Variants in DPP10 observed in about 807,000 individuals in gnomAD.
DPP10 encodes the protein inactive dipeptidyl peptidase 10.
Under a neutral mutation model 120.9 loss-of-function variants are expected in DPP10, and 33 were observed. The observed-to-expected ratio is 0.27, with a 90% CI of 0.21 to 0.37. The LOEUF is 0.37. Ranked by LOEUF, DPP10 falls within the 10% of genes least tolerant of loss-of-function variation. DPP10 has a pLI of 1.00. For synonymous variants in DPP10, 337 were observed against 326.1 expected, an observed-to-expected ratio of 1.03 and a Z score of -0.36; for missense variants, 816 against 942.8, an observed-to-expected ratio of 0.87 and a Z score of 1.76.
At chr2:114,450,750 C>T (rs111818433) in intron 1 of DPP10, among the ~76,000 whole-genome samples, 1 of 150,888 alleles carries the variant, frequency 6.6e-6, no homozygotes, top group South Asian at 2.1e-4. Flanking sequence ...AAAGGTTTTG[C>T]ATTATGAGCG....
At chr2:115,491,356 G>A (rs767356105) in intron 3 of DPP10, among the ~76,000 whole-genome samples, 7 of 152,126 alleles carry the variant, frequency 4.6e-5, no homozygotes, top group Non-Finnish European at 1.0e-4. Context: ...AAAGAAACAC[G>A]AAACACGGCT....
chr2:115,252,440 G>T (rs1287023970), intron 1 of DPP10, among the ~76,000 whole-genome samples: 1 of 152,104 alleles, frequency 6.6e-6, no homozygotes, highest in Non-Finnish European at 1.5e-5. Flanking sequence ...CTGAGTATTA[G>T]ATTATATCTG....
At chr2:115,040,634 G>T (rs1024281045) in intron 1 of DPP10, among the ~76,000 whole-genome samples, 1 of 151,926 alleles carries the variant, frequency 6.6e-6, no homozygotes, top group African/African-American at 2.4e-5. Context: ...AGCATTGGAG[G>T]TGGGGCCTGG....
chr2:115,800,552 G>T (rs1685089623), intron 19 of DPP10, among the ~76,000 whole-genome samples: 1 of 151,938 alleles, frequency 6.6e-6, no homozygotes, highest in African/African-American at 2.4e-5. Context: ...TTTCTTCTAG[G>T]GTTTTTATGG....
At chr2:114,463,065 T>G (rs1384644232) in intron 1 of DPP10, among the ~76,000 whole-genome samples, 1 of 152,150 alleles carries the variant, frequency 6.6e-6, no homozygotes, top group Non-Finnish European at 1.5e-5. Flanking sequence ...CATTGGAGAA[T>G]GGTTTTTGAA....
In DPP10 at chr2:114,708,678, A is replaced by G. The variant is rs928540617; in HGVS notation, c.60+265840A>G. Among the ~76,000 whole-genome samples the G allele has an allele frequency of 3.9e-5, 6 of 152,316 alleles. 1 individual carries two copies. The highest frequency in any genetic ancestry group is 3.9e-4 in the Admixed American group (6 of 15,296). On this transcript the variant is annotated intron_variant, in intron 1 of 25. Coordinates refer to ENST00000410059, the MANE Select transcript of DPP10 (RefSeq NM_020868.6). ...AAAGCAAGAAAACAGAAAAGGAAGA[A>G]CGTGAAGCTAATGTTGGGTGTCAGA... is the stretch of plus-strand genomic sequence containing the variant.
chr2:114,777,002 T>G (rs1681806746), intron 1 of DPP10, among the ~76,000 whole-genome samples: 1 of 152,150 alleles, frequency 6.6e-6, no homozygotes, highest in African/African-American at 2.4e-5. Context: ...GAAAATGTTT[T>G]ATAAACCATG....
At chr2:114,820,619 C>T (rs1686007282) in intron 1 of DPP10, among the ~76,000 whole-genome samples, 1 of 152,170 alleles carries the variant, frequency 6.6e-6, no homozygotes, top group African/African-American at 2.4e-5. Flanking sequence ...GAAGGCACCA[C>T]TTCACAGGGC....
chr2:115,778,350 C>T (rs901591934), intron 15 of DPP10, among the ~76,000 whole-genome samples: 75 of 152,072 alleles, frequency 4.9e-4, no homozygotes, highest in Admixed American at 2.6e-4. Flanking sequence ...AAATAAGGAA[C>T]GCTCATTGCT....
intron 1 of DPP10, among the ~76,000 whole-genome samples, chr2:114,460,452 G>A (rs1678836658): frequency 2.0e-5 from 3 of 151,998 alleles, no homozygotes; most frequent in African/African-American, 4.8e-5. Flanking sequence ...TGTCTGAACG[G>A]TGATAATTCT....
intron 1 of DPP10, among the ~76,000 whole-genome samples, chr2:114,747,599 C>T (rs948638619): frequency 2.0e-5 from 3 of 152,128 alleles, no homozygotes; most frequent in African/African-American, 7.2e-5. Context: ...AGGGGAAAAC[C>T]TGAAACCATT....
intron 1 of DPP10, among the ~76,000 whole-genome samples, chr2:115,094,136 A>T (rs969091465): frequency 6.6e-6 from 1 of 152,126 alleles, no homozygotes; most frequent in African/African-American, 2.4e-5. Context: ...CCTATTAAAC[A>T]TAAGGAGAAA....
intron 1 of DPP10, among the ~76,000 whole-genome samples, chr2:114,816,345 A>G (rs1029277423): frequency 2.0e-5 from 3 of 152,234 alleles, no homozygotes; most frequent in African/African-American, 7.2e-5. Flanking sequence ...GCCATAGGCA[A>G]TACATAAACA....
At chr2:115,379,276 C>G (rs1374327121) in intron 3 of DPP10, among the ~76,000 whole-genome samples, 1 of 152,090 alleles carries the variant, frequency 6.6e-6, no homozygotes, top group Non-Finnish European at 1.5e-5. Context: ...CTGGTTTAGT[C>G]TTGGGAGAGT....
At chr2:114,477,920 T>TAC (rs1558795006) in intron 1 of DPP10, among the ~76,000 whole-genome samples, 12 of 150,850 alleles carry the variant, frequency 8.0e-5, no homozygotes, top group African/African-American at 2.7e-4. Flanking sequence ...CATATATGTG[T>TAC]ATATATGTAC....
chr2:114,901,686 C>T (rs190514362), intron 1 of DPP10, among the ~76,000 whole-genome samples: 1 of 152,268 alleles, frequency 6.6e-6, no homozygotes, highest in Admixed American at 6.5e-5. Context: ...CTTACACATT[C>T]CTGACTAAAG....
At chr2:115,263,422 C>T (rs1368093133) in intron 1 of DPP10, among the ~76,000 whole-genome samples, 1 of 152,096 alleles carries the variant, frequency 6.6e-6, no homozygotes. Flanking sequence ...TGACTTTGGC[C>T]CCTGGCCTAG....
At chr2:115,552,194 G>A (rs928177106) in intron 5 of DPP10, among the ~76,000 whole-genome samples, 2 of 152,132 alleles carry the variant, frequency 1.3e-5, no homozygotes, top group Non-Finnish European at 2.9e-5. Flanking sequence ...AGAGGAATGA[G>A]ATTATAATGA....
At chr2:115,019,393 G>A (rs1039315290) in intron 1 of DPP10, among the ~76,000 whole-genome samples, 5 of 152,058 alleles carry the variant, frequency 3.3e-5, no homozygotes, top group African/African-American at 9.6e-5. Flanking sequence ...GTCTCAGCAA[G>A]AGAATCAAAT....
Sources: allele counts gnomAD v4.1 joint callset (sites outside exome capture counted in the v4.1 genomes callset), GRCh38; gene constraint gnomAD v4.1.1; transcripts MANE v1.5; gene names NCBI Gene and HGNC (gene_info 2026-07-23, HGNC 2026-07-21).